GNAL: variants seen among roughly 807,000 people sequenced by gnomAD.
GNAL encodes the protein G protein subunit alpha L, also known as guanine nucleotide-binding protein G(olf) subunit alpha.
GNAL carries 18 observed loss-of-function variants against 55.1 expected under a neutral mutation model. That is an observed-to-expected ratio of 0.33 (90% CI 0.23 to 0.48). The LOEUF (loss-of-function observed/expected upper bound fraction) is 0.48, where lower values mean the gene tolerates loss of function less well. GNAL is among the 20% of genes least tolerant of loss of function. The pLI, the probability that GNAL is intolerant of heterozygous loss-of-function variation, is 0.99. For missense variants in GNAL, 412 were observed against 614.1 expected, an observed-to-expected ratio of 0.67 and a Z score of 3.48; for synonymous variants, 253 against 237.0, an observed-to-expected ratio of 1.07 and a Z score of -0.62.
At chr18:11,757,105 T>C (rs571884824) in intron 4 of GNAL, among the ~76,000 whole-genome samples, 1 of 152,348 alleles carries the variant, frequency 6.6e-6, no homozygotes, top group South Asian at 2.1e-4. Context: ...TCTCTGAGAA[T>C]ATTGCACATG....
intron 1 of GNAL, among the ~76,000 whole-genome samples, chr18:11,696,500 G>A (rs1239056978): frequency 2.1e-4 from 27 of 125,734 alleles, no homozygotes; most frequent in African/African-American, 1.2e-3. Context: ...GCAAGACTCC[G>A]CCTCAAAAAA....
At chr18:11,790,655 TTTTTTC>T (rs2034206066) in intron 4 of GNAL, among the ~76,000 whole-genome samples, 1 of 52,476 alleles carries the variant, frequency 1.9e-5, no homozygotes, top group Admixed American at 2.7e-4. Context: ...TCTTTTCTTT[TTTTTTC>T]TTTTTTTTTT....
chr18:11,719,584 T>G (rs1034688267), intron 1 of GNAL, among the ~76,000 whole-genome samples: 6 of 152,236 alleles, frequency 3.9e-5, no homozygotes, highest in African/African-American at 1.2e-4. Context: ...GTTCCTCTTA[T>G]CTAAGTCATG....
chr18:11,833,404 G>A (rs2035431228), intron 5 of GNAL: 1 of 152,088 alleles, frequency 6.6e-6, no homozygotes. Flanking sequence ...ATTTACTTTA[G>A]CTATGAAAAA....
At chr18:11,777,793 A>G (rs2143329186) in intron 4 of GNAL, among the ~76,000 whole-genome samples, 1 of 152,266 alleles carries the variant, frequency 6.6e-6, no homozygotes, top group East Asian at 1.9e-4. Context: ...TTACATCCTA[A>G]GAGCTGGAGA....
intron 5 of GNAL, among the ~76,000 whole-genome samples, chr18:11,848,214 G>A (rs182132547): frequency 6.6e-5 from 10 of 152,248 alleles, no homozygotes; most frequent in East Asian, 5.8e-4. Flanking sequence ...ATTGAACACC[G>A]TGGAAATGGC....
chr18:11,693,767 A>C, intron 1 of GNAL, among the ~76,000 whole-genome samples: 1 of 130,738 alleles, frequency 7.6e-6, no homozygotes, highest in African/African-American at 3.3e-5. Flanking sequence ...TTTTAATCCC[A>C]ACACTTTAGG....
At chr18:11,828,072 T>C (rs2035293905) in intron 5 of GNAL, among the ~76,000 whole-genome samples, 1 of 152,012 alleles carries the variant, frequency 6.6e-6, no homozygotes, top group South Asian at 2.1e-4. Flanking sequence ...GTTGCTCTCA[T>C]GTTATTTGGT....
chr18:11,713,095 C>G (rs1195485682), intron 1 of GNAL, among the ~76,000 whole-genome samples: 2 of 152,216 alleles, frequency 1.3e-5, no homozygotes, highest in Non-Finnish European at 2.9e-5. Context: ...TCAATGAAAA[C>G]TGTGTCCACA....
At chr18:11,713,661 G>A (rs986951898) in intron 1 of GNAL, among the ~76,000 whole-genome samples, 1 of 152,108 alleles carries the variant, frequency 6.6e-6, no homozygotes. Context: ...CATATCTAGA[G>A]CGAAAACAAT....
intron 5 of GNAL, among the ~76,000 whole-genome samples, chr18:11,858,273 G>C (rs562372749): frequency 2.2e-4 from 33 of 152,148 alleles, no homozygotes; most frequent in South Asian, 4.2e-4. Flanking sequence ...AAAAAAATCA[G>C]AGTAAATTTC....
intron 1 of GNAL, among the ~76,000 whole-genome samples, chr18:11,737,167 TAACAATCACATGCGG>T (rs1456194080): frequency 1.3e-5 from 2 of 152,228 alleles, no homozygotes; most frequent in African/African-American, 4.8e-5. Context: ...ATCCAATGTG[TAACAATCACATGCGG>T]GTAAGTGGAG....
intron 4 of GNAL, among the ~76,000 whole-genome samples, chr18:11,822,188 G>A (rs996896793): frequency 6.6e-6 from 1 of 152,200 alleles, no homozygotes; most frequent in African/African-American, 2.4e-5. Flanking sequence ...GGGGTTTCTC[G>A]GGCGGGGCGT....
chr18:11,812,812 C>T (rs557834795), intron 4 of GNAL, among the ~76,000 whole-genome samples: 1 of 151,590 alleles, frequency 6.6e-6, no homozygotes, highest in East Asian at 1.9e-4. Flanking sequence ...CACTGCACTC[C>T]AGCCTGGGTG....
intron 1 of GNAL, among the ~76,000 whole-genome samples, chr18:11,714,446 G>A (rs1407720859): frequency 6.6e-6 from 1 of 152,216 alleles, no homozygotes; most frequent in East Asian, 1.9e-4. Flanking sequence ...GAATCCACAT[G>A]TGAAAGGAGG....
At chr18:11,726,064 G>T (rs894315492) in intron 1 of GNAL, among the ~76,000 whole-genome samples, 2 of 152,208 alleles carry the variant, frequency 1.3e-5, no homozygotes, top group Non-Finnish European at 2.9e-5. Context: ...TCAGTTGACT[G>T]TATTTCTGTG....
rs112485987 is a variant in GNAL at position 11,753,749 on chromosome 18, A to G, written c.504+67A>G. ...TGCTCTTCATTCTAAAACTGTGTAG[A>G]CAGAAATTACATATTGTAGATTATC... On this transcript the variant is annotated intron_variant, in intron 3 of 11. Coordinates refer to ENST00000334049, the MANE Select transcript of GNAL (RefSeq NM_182978.4). The G allele has an allele frequency of 1.4e-3, 2,134 of 1,476,122 alleles. 36 individuals carry two copies. The African/African-American group carries it at 0.025, about 17-fold the overall frequency. 91.4% of individuals were successfully genotyped at this position (1,476,122 alleles called of 1,614,324 possible). A position where few individuals can be genotyped will look rare whatever the true frequency, so the allele number is the denominator to read the frequency against.
At chr18:11,735,680 A>T (rs1228862862) in intron 1 of GNAL, among the ~76,000 whole-genome samples, 1 of 149,976 alleles carries the variant, frequency 6.7e-6, no homozygotes, top group Admixed American at 6.7e-5. Context: ...TGAGCCCTAG[A>T]GGTGGAGGAG....
intron 4 of GNAL, among the ~76,000 whole-genome samples, chr18:11,774,094 C>G (rs1267185289): frequency 6.6e-6 from 1 of 152,184 alleles, no homozygotes; most frequent in Non-Finnish European, 1.5e-5. Flanking sequence ...CTTAAACATT[C>G]AGTAAATGTG....
Sources: gnomAD v4.1 joint callset for allele counts (sites outside exome capture counted in the v4.1 genomes callset) on GRCh38, gnomAD v4.1.1 for gene constraint, MANE v1.5 for transcripts, NCBI Gene and HGNC (gene_info 2026-07-23, HGNC 2026-07-21) for gene names.